Variants in ARHGEF28 observed in about 807,000 individuals in gnomAD.
The protein encoded by ARHGEF28 is 190 kDa guanine nucleotide exchange factor.
Under a neutral mutation model 206.6 loss-of-function variants are expected in ARHGEF28, and 152 were observed. The observed-to-expected ratio is 0.74, with a 90% CI of 0.64 to 0.84. The LOEUF (loss-of-function observed/expected upper bound fraction) is 0.84, where lower values mean the gene tolerates loss of function less well. Ranked by LOEUF, ARHGEF28 falls within the 40% of genes least tolerant of loss-of-function variation. ARHGEF28 has a pLI of 0.00. For synonymous variants in ARHGEF28, 763 were observed against 776.4 expected (o/e 0.98, Z 0.29); for missense variants, 2,028 against 2,073.2 (o/e 0.98, Z 0.42).
At chr5:73,921,190 G>A (rs1490226677) in intron 35 of ARHGEF28, among the ~76,000 whole-genome samples, 5 of 152,190 alleles carry the variant, frequency 3.3e-5, no homozygotes, top group Admixed American at 3.3e-4. Context: ...AATGTTGCCT[G>A]AAACATCAAA....
chr5:73,644,827 A>T (rs1439321429), intron 1 of ARHGEF28, among the ~76,000 whole-genome samples: 2 of 152,180 alleles, frequency 1.3e-5, no homozygotes, highest in African/African-American at 4.8e-5. Flanking sequence ...GGGAGCTGGG[A>T]ATCTGTATTA....
intron 2 of ARHGEF28, among the ~76,000 whole-genome samples, chr5:73,731,313 G>A (rs1342036969): frequency 3.9e-5 from 6 of 152,118 alleles, no homozygotes; most frequent in Non-Finnish European, 8.8e-5. Context: ...TAACTTAAGG[G>A]GTTGCTGTAA....
At chr5:73,717,430 C>G (rs531661974) in intron 2 of ARHGEF28, among the ~76,000 whole-genome samples, 1 of 152,288 alleles carries the variant, frequency 6.6e-6, no homozygotes, top group East Asian at 1.9e-4. Flanking sequence ...TCTCCCTATT[C>G]TCTTCCCTGT....
chr5:73,768,011 C>G (rs1121378), intron 4 of ARHGEF28, among the ~76,000 whole-genome samples: 9,471 of 152,246 alleles, frequency 0.062, 981 homozygotes, highest in African/African-American at 0.21. Flanking sequence ...GCTTCTGAGG[C>G]TGCAAACCTC....
intron 4 of ARHGEF28, among the ~76,000 whole-genome samples, chr5:73,759,548 G>A (rs1040373472): frequency 1.3e-5 from 2 of 152,154 alleles, no homozygotes; most frequent in Admixed American, 1.3e-4. Flanking sequence ...AGGCCCGAAA[G>A]GACTTTAGAA....
intron 13 of ARHGEF28, 185 bp downstream of exon 13, chr5:73,849,272 C>T: frequency 1.9e-6 from 1 of 538,828 alleles, no homozygotes; most frequent in South Asian, 2.4e-5. Context: ...TGATTTTGAT[C>T]AGATTTGATT....
intron 2 of ARHGEF28, among the ~76,000 whole-genome samples, chr5:73,718,380 T>G (rs1283611905): frequency 6.6e-6 from 1 of 152,144 alleles, no homozygotes. Context: ...TTTGTTTAGG[T>G]CTTGCATGCT....
chr5:73,648,673 A>G (rs1238847940), intron 1 of ARHGEF28, among the ~76,000 whole-genome samples: 1 of 152,214 alleles, frequency 6.6e-6, no homozygotes, highest in Non-Finnish European at 1.5e-5. Context: ...TCAGGTGGCT[A>G]CAGGAATACC....
intron 35 of ARHGEF28, among the ~76,000 whole-genome samples, chr5:73,929,858 C>A (rs990314680): frequency 1.3e-5 from 2 of 152,050 alleles, no homozygotes; most frequent in Non-Finnish European, 2.9e-5. Context: ...TATCTAAAAA[C>A]AAAATATCAT....
At position 73,729,616 on chromosome 5, in the gene ARHGEF28, A is replaced by G. The variant is rs80014194; in HGVS notation, c.34-20221A>G. Among the ~76,000 whole-genome samples, 135 of 152,330 alleles carry G rather than the reference A, an allele frequency of 8.9e-4. 3 individuals carry two copies. The East Asian group carries it at 0.025, about 28-fold the overall frequency. On this transcript the variant is annotated intron_variant, in intron 2 of 35. Transcript: ENST00000513042. ...TCACAACATCACCCTTTATTTAAAT[A>G]CACAGAATGTGTTAGATTTCTCAAG...
At chr5:73,824,848 C>A (rs745756350) in intron 9 of ARHGEF28, among the ~76,000 whole-genome samples, 11 of 151,892 alleles carry the variant, frequency 7.2e-5, no homozygotes, top group Middle Eastern at 3.2e-3. Flanking sequence ...ACCTGGTGAT[C>A]AGTAGACACT....
intron 1 of ARHGEF28, among the ~76,000 whole-genome samples, chr5:73,683,623 G>A (rs866317573): frequency 2.6e-5 from 4 of 151,746 alleles, no homozygotes; most frequent in Non-Finnish European, 4.4e-5. Context: ...TTTTAAAGGG[G>A]CAGGCACACC....
chr5:73,752,690 A>G (rs1450008440), intron 3 of ARHGEF28, among the ~76,000 whole-genome samples: 1 of 152,080 alleles, frequency 6.6e-6, no homozygotes, highest in African/African-American at 2.4e-5. Context: ...TCGTAAAGGT[A>G]AGTTTTAAAA....
intron 35 of ARHGEF28, among the ~76,000 whole-genome samples, chr5:73,928,014 T>C (rs10942688): frequency 0.42 from 63,153 of 152,098 alleles, 13,317 homozygotes; most frequent in East Asian, 0.6. Context: ...AATAATGTTT[T>C]TCATTTTTAA....
chr5:73,639,489 A>G (rs1004213354), intron 1 of ARHGEF28, among the ~76,000 whole-genome samples: 2 of 151,954 alleles, frequency 1.3e-5, no homozygotes, highest in African/African-American at 4.8e-5. Context: ...CCATAACTAT[A>G]AATTTATATA....
intron 22 of ARHGEF28, among the ~76,000 whole-genome samples, chr5:73,878,285 T>A (rs939420094): frequency 6.7e-6 from 1 of 150,374 alleles, no homozygotes; most frequent in African/African-American, 2.5e-5. Flanking sequence ...TGGTAGATCT[T>A]CCTCCATCCT....
intron 4 of ARHGEF28, among the ~76,000 whole-genome samples, chr5:73,759,221 T>C (rs550406255): frequency 6.6e-6 from 1 of 152,252 alleles, no homozygotes; most frequent in Middle Eastern, 3.4e-3. Context: ...ATAACACCAA[T>C]AGAGTTATAA....
chr5:73,811,555 T>C (rs1399372331), intron 9 of ARHGEF28, among the ~76,000 whole-genome samples: 4 of 152,194 alleles, frequency 2.6e-5, no homozygotes, highest in Non-Finnish European at 5.9e-5. Flanking sequence ...TAAATGCTCT[T>C]CCACAAGATT....
intron 35 of ARHGEF28, among the ~76,000 whole-genome samples, chr5:73,935,841 C>A (rs536568): frequency 0.55 from 83,502 of 151,982 alleles, 23,374 homozygotes; most frequent in Non-Finnish European, 0.6. Context: ...AGAAGATACG[C>A]AGTTCTGTTT....
Sources: allele counts gnomAD v4.1 joint callset (sites outside exome capture counted in the v4.1 genomes callset), GRCh38; gene constraint gnomAD v4.1.1; transcripts MANE v1.5; gene names NCBI Gene and HGNC (gene_info 2026-07-23, HGNC 2026-07-21).